Variants in GIGYF2 observed in about 807,000 individuals in gnomAD.
GIGYF2 encodes GRB10-interacting GYF protein 2.
Under a neutral mutation model 208.1 loss-of-function variants are expected in GIGYF2, and 25 were observed. The observed-to-expected ratio is 0.12, with a 90% confidence interval of 0.09 to 0.17. The LOEUF (loss-of-function observed/expected upper bound fraction) is 0.17. Ranked by LOEUF, GIGYF2 falls within the 10% of genes least tolerant of loss-of-function variation. GIGYF2 has a pLI of 1.00. For missense variants in GIGYF2, 1,302 were observed against 1,579.4 expected (o/e 0.82, Z 2.98); for synonymous variants, 534 against 543.8 (o/e 0.98, Z 0.25).
At chr2:232,786,150 G>C (rs189854128) in intron 8 of GIGYF2, among the ~76,000 whole-genome samples, 12 of 152,318 alleles carry the variant, frequency 7.9e-5, no homozygotes, top group African/African-American at 2.9e-4. Context: ...CATTAGGTTA[G>C]ACATAGCTTA....
intron 20 of GIGYF2, among the ~76,000 whole-genome samples, chr2:232,818,373 C>T (rs1700976924): frequency 6.6e-6 from 1 of 152,048 alleles, no homozygotes; most frequent in East Asian, 1.9e-4. Context: ...TTTATTTTTC[C>T]CCTAGAAAGT....
In GIGYF2 at chr2:232,839,946, A is replaced by G. The variant is rs1473872010; in HGVS notation, c.2864A>G (p.Glu955Gly). The stretch of plus-strand genomic sequence containing the variant: ...GCTGAAATCCAAAAACTAGAGGAAG[A>G]ACGAGAACGGCAGCTTCGAGAAGAG... ...SLAEIQKLEE[E>G]RERQLREEQR... is the part of the protein sequence containing the mutation. Residue 955 changes from glutamate to glycine, a missense_variant, in exon 23 of 29, where the codon GAA (glutamate) becomes GGA (glycine). This residue lies in a region of GIGYF2 where 701 missense variants were observed against 793.0 expected (regional missense o/e 0.88). Transcript: ENST00000373563. 6.2e-7 allele frequency: 1 copy of G among 1,614,152 alleles called. No homozygotes were observed. Among genetic ancestry groups the G allele is most frequent in the Admixed American group, 1.7e-5 (1 of 60,016 alleles).
At chr2:232,753,494 A>G (rs1698411151) in intron 5 of GIGYF2, among the ~76,000 whole-genome samples, 1 of 151,942 alleles carries the variant, frequency 6.6e-6, no homozygotes, top group Non-Finnish European at 1.5e-5. Context: ...CCTGGCCTCA[A>G]GTGATCTGCC....
intron 2 of GIGYF2, chr2:232,724,779 C>T (rs1461262485): frequency 2.0e-5 from 3 of 152,140 alleles, no homozygotes; most frequent in Non-Finnish European, 4.4e-5. Flanking sequence ...TCTCAAACTT[C>T]TGACCTCGAG....
chr2:232,808,853 A>C (rs1700637374), intron 15 of GIGYF2, among the ~76,000 whole-genome samples: 1 of 152,182 alleles, frequency 6.6e-6, no homozygotes, highest in Non-Finnish European at 1.5e-5. Flanking sequence ...TTTCTAATTC[A>C]TGATGTATTA....
intron 8 of GIGYF2, chr2:232,767,774 G>A (rs949090377): frequency 9.1e-6 from 2 of 219,366 alleles, no homozygotes; most frequent in East Asian, 1.2e-4. Flanking sequence ...TAGTGAAGTC[G>A]TCATTCCACC....
chr2:232,708,201 C>T (rs1696215017), intron 2 of GIGYF2, among the ~76,000 whole-genome samples: 2 of 152,122 alleles, frequency 1.3e-5, no homozygotes, highest in South Asian at 4.1e-4. Flanking sequence ...CTCAAGCTAT[C>T]CTCCCGCCTT....
At chr2:232,735,299 T>G (rs1697687084) in intron 3 of GIGYF2, 61 bp downstream of exon 3, 1 of 1,171,088 alleles carries the variant, frequency 8.5e-7, no homozygotes, top group African/African-American at 1.5e-5. Flanking sequence ...GTAAAGTATT[T>G]GACAGGTGCT....
chr2:232,841,095 C>A (rs1701800793), intron 23 of GIGYF2, among the ~76,000 whole-genome samples: 1 of 150,738 alleles, frequency 6.6e-6, no homozygotes, highest in African/African-American at 2.4e-5. Flanking sequence ...AAGAATTGAA[C>A]TTTCTCTGGA....
intron 19 of GIGYF2, chr2:232,816,021 G>A: frequency 2.6e-6 from 1 of 392,128 alleles, no homozygotes; most frequent in South Asian, 2.4e-5. Flanking sequence ...ATGAACATTT[G>A]TTATAAGTAA....
At chr2:232,769,176 G>A (rs544358761) in intron 8 of GIGYF2, among the ~76,000 whole-genome samples, 70 of 152,294 alleles carry the variant, frequency 4.6e-4, no homozygotes, top group Non-Finnish European at 8.4e-4. Flanking sequence ...GCCAGATTAC[G>A]TTGAAGTAGA....
chr2:232,802,238 CTTT>C (rs775424488), intron 14 of GIGYF2, among the ~76,000 whole-genome samples: 1 of 144,978 alleles, frequency 6.9e-6, no homozygotes, highest in African/African-American at 2.5e-5. Flanking sequence ...AATTTGGATG[CTTT>C]TTTTTTTTCT....
chr2:232,718,534 T>C (rs1696798812), intron 2 of GIGYF2, among the ~76,000 whole-genome samples: 2 of 152,222 alleles, frequency 1.3e-5, no homozygotes, highest in South Asian at 4.1e-4. Flanking sequence ...ATAAAGCTAC[T>C]ATGAATCTCT....
chr2:232,785,211 G>C (rs1161593008), intron 8 of GIGYF2, among the ~76,000 whole-genome samples: 1 of 152,046 alleles, frequency 6.6e-6, no homozygotes, highest in Non-Finnish European at 1.5e-5. Context: ...CTGCAGGTAA[G>C]AGCAAGGTCA....
intron 3 of GIGYF2, among the ~76,000 whole-genome samples, chr2:232,739,937 T>TAA (rs34661108): frequency 0.012 from 1,296 of 111,602 alleles, 30 homozygotes; most frequent in Admixed American, 0.056. Context: ...CCATCTCTGC[T>TAA]AAAAAAAAAA....
intron 2 of GIGYF2, among the ~76,000 whole-genome samples, chr2:232,731,574 G>T (rs1052667248): frequency 6.6e-6 from 1 of 152,162 alleles, no homozygotes; most frequent in Non-Finnish European, 1.5e-5. Flanking sequence ...ATCTCTGTTT[G>T]TCATCCAAGT....
At chr2:232,834,847 A>G (rs962417823) in intron 22 of GIGYF2, among the ~76,000 whole-genome samples, 3 of 152,100 alleles carry the variant, frequency 2.0e-5, no homozygotes, top group Non-Finnish European at 2.9e-5. Context: ...TTTTTTAACT[A>G]AAAGTTTTTT....
At chr2:232,814,535 C>T (rs1407224716) in intron 18 of GIGYF2, among the ~76,000 whole-genome samples, 2 of 136,500 alleles carry the variant, frequency 1.5e-5, no homozygotes, top group African/African-American at 5.3e-5. Context: ...TGCACTCCAG[C>T]CTGGGTGACA....
Position 232,857,527 on chromosome 2 carries a change from T to G in GIGYF2, c.*667T>G, listed in dbSNP as rs1193544611. The stretch of plus-strand genomic sequence containing the variant: ...TGTCCTTTCTCTGAAAGGATTTATG[T>G]TTTTCTTCGTTAGATAGTGACTTCT... On this transcript the variant is annotated 3_prime_UTR_variant, in exon 29 of 29. Coordinates refer to ENST00000373563, the MANE Select transcript of GIGYF2 (RefSeq NM_001103146.3). 6.5e-6 allele frequency: 1 copy of G among 153,740 alleles called. No individual in the cohort carries two copies. The highest frequency in any genetic ancestry group is 1.4e-5 in the Non-Finnish European group (1 of 69,030). 9.5% of individuals were successfully genotyped at this position (153,740 alleles called of 1,614,324 possible). A position where few individuals can be genotyped will look rare whatever the true frequency, so the allele number is the denominator to read the frequency against.
Sources: gnomAD v4.1 joint callset for allele counts (sites outside exome capture counted in the v4.1 genomes callset) on GRCh38, gnomAD v4.1.1 for gene constraint, gnomAD v4.1.1 regional missense constraint, MANE v1.5 for transcripts, NCBI Gene and HGNC (gene_info 2026-07-23, HGNC 2026-07-21) for gene names.